PCSK5: variants seen among roughly 807,000 people sequenced by gnomAD.
The protein encoded by PCSK5 is proprotein convertase subtilisin/kexin type 5.
PCSK5 carries 129 observed loss-of-function variants against 233.2 expected under a neutral mutation model. The ratio of observed to expected loss-of-function variants is 0.55; its 90% CI spans 0.48 to 0.64. The LOEUF (loss-of-function observed/expected upper bound fraction) is 0.64. Among genes scored for constraint, PCSK5 ranks in the 30% least tolerant of loss-of-function variants. The pLI is 0.00. For missense variants in PCSK5, 2,076 were observed against 2,430.1 expected, an observed-to-expected ratio of 0.85 and a Z score of 3.06; for synonymous variants, 825 against 879.2, an observed-to-expected ratio of 0.94 and a Z score of 1.09.
chr9:76,174,810 T>C (rs1823498372), intron 13 of PCSK5, among the ~76,000 whole-genome samples, 176 bp from the exon 14 acceptor site: 1 of 152,206 alleles, frequency 6.6e-6, no homozygotes, highest in South Asian at 2.1e-4. Context: ...AATTATTAAA[T>C]AATTCTGCAG....
At chr9:76,057,785 A>G (rs1223522265) in intron 5 of PCSK5, among the ~76,000 whole-genome samples, 1 of 149,678 alleles carries the variant, frequency 6.7e-6, no homozygotes. Context: ...ATTCAATTAC[A>G]TCTTTCCTGG....
intron 7 of PCSK5, among the ~76,000 whole-genome samples, chr9:76,091,792 C>T (rs1831301256): frequency 6.6e-6 from 1 of 152,180 alleles, no homozygotes; most frequent in Admixed American, 6.5e-5. Context: ...CAGTGACTCC[C>T]CTCTCTCTGT....
chr9:76,143,743 T>G (rs78457005), intron 10 of PCSK5, among the ~76,000 whole-genome samples: 1 of 151,372 alleles, frequency 6.6e-6, no homozygotes, highest in Non-Finnish European at 1.5e-5. Flanking sequence ...TTTTTTTTTT[T>G]AAGAGAAAGA....
intron 24 of PCSK5, among the ~76,000 whole-genome samples, chr9:76,246,869 C>A (rs983710287): frequency 6.6e-6 from 1 of 152,218 alleles, no homozygotes; most frequent in Non-Finnish European, 1.5e-5. Context: ...TCCCAGAGCT[C>A]CTAAGATGGT....
intron 7 of PCSK5, among the ~76,000 whole-genome samples, chr9:76,081,974 A>G (rs1830857144): frequency 6.6e-6 from 1 of 152,112 alleles, no homozygotes; most frequent in Non-Finnish European, 1.5e-5. Flanking sequence ...TTCATCTTTC[A>G]ATTCTGCCTG....
chr9:75,945,204 TATA>T (rs1263504896), intron 2 of PCSK5, among the ~76,000 whole-genome samples: 3 of 151,194 alleles, frequency 2.0e-5, no homozygotes, highest in African/African-American at 7.3e-5. Flanking sequence ...ACATATAAAA[TATA>T]ATAATAAAAA....
intron 6 of PCSK5, among the ~76,000 whole-genome samples, chr9:76,070,062 A>G (rs1195917176): frequency 7.0e-6 from 1 of 143,422 alleles, no homozygotes; most frequent in African/African-American, 2.6e-5. Context: ...GTGCAGTGGC[A>G]TGATCTCGGC....
At chr9:76,253,195 C>T (rs138717259) in intron 24 of PCSK5, among the ~76,000 whole-genome samples, 32 of 152,082 alleles carry the variant, frequency 2.1e-4, no homozygotes, top group African/African-American at 7.2e-4. Context: ...TACTGACCAT[C>T]GTCTCCATGG....
chr9:76,015,518 A>C (rs1170948451), intron 3 of PCSK5, among the ~76,000 whole-genome samples: 1 of 152,244 alleles, frequency 6.6e-6, no homozygotes, highest in African/African-American at 2.4e-5. Flanking sequence ...ATCATACAGC[A>C]CAAGTGGCTT....
In PCSK5 at chr9:76,358,779, G is replaced by A. The variant is rs1320817955; in HGVS notation, c.5521G>A (p.Asp1841Asn). 6.2e-7 allele frequency: 1 copy of A among 1,612,916 alleles called. No homozygotes were observed. Among genetic ancestry groups the A allele is most frequent in the Non-Finnish European group, 8.5e-7 (1 of 1,179,888 alleles). Residue 1841 changes from aspartate (D) to asparagine (N), a missense_variant, in exon 38 of 38, where the codon GAC becomes AAC. Asp to Asn is a conservative substitution (Grantham distance 23). Around this residue, in one of 6 missense-constraint regions of PCSK5, gnomAD observed 1,510 missense variants for 1,538.1 expected, o/e 0.98. Coordinates refer to ENST00000674117, the MANE Select transcript of PCSK5 (RefSeq NM_001372043.1). ...TCAGGTGATTGAGTACAGGGATCGG[G>A]ACTATGATGAGGATGATGATGATGA... ...EDQVIEYRDR[D>N]YDEDDDDDIV...
intron 1 of PCSK5, among the ~76,000 whole-genome samples, chr9:75,906,908 G>C (rs1241065074): frequency 2.6e-5 from 4 of 152,106 alleles, no homozygotes. Context: ...ATGCTTTCCT[G>C]TTGCTCTGTC....
At chr9:75,925,184 T>G (rs1823429742) in intron 1 of PCSK5, among the ~76,000 whole-genome samples, 1 of 152,186 alleles carries the variant, frequency 6.6e-6, no homozygotes, top group South Asian at 2.1e-4. Flanking sequence ...CAGACTTTGA[T>G]GATTATGTGG....
In PCSK5 at chr9:76,351,552, AAG is replaced by A. The variant is rs925432052; in HGVS notation, c.5067+636_5067+637del. 3.6e-5 allele frequency among the ~76,000 whole-genome samples: 5 copies of A among 140,540 alleles called. 2 individuals carry two copies. Among genetic ancestry groups the A allele is most frequent in the African/African-American group, 7.5e-5 (3 of 40,036 alleles). The allele number at this position is 140,540 out of a possible 152,430, so 92.2% of individuals were successfully genotyped here. On this transcript the variant is annotated intron_variant, in intron 36 of 37. Transcript: ENST00000674117. ...AGAAAGGAAGGAAAGAAAGAGAAAGAAGAGAGAGAGAGAAGGAAGGGAAGGGA... is the reference window on the plus strand; with the variant it reads ...AGAAAGGAAGGAAAGAAAGAGAAAGAAGAGAGAGAGAAGGAAGGGAAGGGA...
At chr9:76,162,062 G>C (rs373167522) in intron 12 of PCSK5, among the ~76,000 whole-genome samples, 110 of 152,254 alleles carry the variant, frequency 7.2e-4, no homozygotes, top group African/African-American at 2.6e-3. Context: ...GAGATTGGAG[G>C]GGGCTGGAGA....
intron 20 of PCSK5, among the ~76,000 whole-genome samples, chr9:76,215,937 TA>T (rs1253554749): frequency 7.6e-6 from 1 of 130,852 alleles, no homozygotes; most frequent in Non-Finnish European, 1.6e-5. Context: ...TGATTCTGTC[TA>T]AAAAAATTAA....
chr9:75,975,972 C>T (rs1240606084), intron 2 of PCSK5, among the ~76,000 whole-genome samples: 1 of 152,070 alleles, frequency 6.6e-6, no homozygotes, highest in Non-Finnish European at 1.5e-5. Flanking sequence ...ATTAAGACTG[C>T]ATTTAATCAA....
intron 8 of PCSK5, among the ~76,000 whole-genome samples, chr9:76,104,337 G>A (rs957410762): frequency 9.2e-5 from 14 of 152,040 alleles, no homozygotes; most frequent in South Asian, 4.2e-4. Flanking sequence ...TTTTCTCCCC[G>A]TTCCTTTTAA....
chr9:76,316,003 C>A (rs1829019302), intron 30 of PCSK5, among the ~76,000 whole-genome samples: 1 of 146,342 alleles, frequency 6.8e-6, no homozygotes, highest in Non-Finnish European at 1.5e-5. Flanking sequence ...CCAACATCCA[C>A]TGAACCTCTT....
chr9:76,096,216 G>A (rs1402026055), intron 8 of PCSK5, 114 bp downstream of exon 8: 3 of 486,370 alleles, frequency 6.2e-6, no homozygotes, highest in South Asian at 7.9e-5. Flanking sequence ...CACACACACA[G>A]AAGTAATATA....
Sources: allele counts gnomAD v4.1 joint callset (sites outside exome capture counted in the v4.1 genomes callset), GRCh38; gene constraint gnomAD v4.1.1; regional missense constraint gnomAD v4.1.1; transcripts MANE v1.5; gene names NCBI Gene and HGNC (gene_info 2026-07-23, HGNC 2026-07-21).